Variants in ABI3BP observed in about 807,000 individuals in gnomAD.
ABI3BP encodes ABI family member 3 binding protein.
In ABI3BP, 216 loss-of-function variants were observed where a neutral mutation model predicts 268.6. That is an observed-to-expected ratio of 0.80 (90% CI 0.72 to 0.90). ABI3BP has a LOEUF of 0.90. ABI3BP is among the 40% of genes least tolerant of loss of function. ABI3BP has a pLI of 0.00. For synonymous variants in ABI3BP, 730 were observed against 730.0 expected (o/e 1.00, Z 0.00); for missense variants, 2,090 against 2,182.4 (o/e 0.96, Z 0.84).
chr3:100,848,473 CT>C (rs35928410), intron 18 of ABI3BP, among the ~76,000 whole-genome samples: 96,089 of 148,462 alleles, frequency 0.65, 31,495 homozygotes, highest in African/African-American at 0.78. Context: ...AAAACATATC[CT>C]TTTTTTTTTT....
At chr3:100,766,928 G>GTGGTA (rs1207771345) in intron 62 of ABI3BP, among the ~76,000 whole-genome samples, 1 of 152,204 alleles carries the variant, frequency 6.6e-6, no homozygotes, top group Non-Finnish European at 1.5e-5. Flanking sequence ...ACTGAGCCCA[G>GTGGTA]TGGTATGAGA....
At position 100,974,640 on chromosome 3, in the gene ABI3BP, T is replaced by C. The variant is rs144568920; in HGVS notation, c.79+18666A>G. ...GGCACAGTGGAACATTCTAGGGAGA[T>C]GGAAATGCTTTACTTGATTAACATT... On this transcript the variant is annotated intron_variant, in intron 1 of 67. Coordinates refer to ENST00000471714, the MANE Select transcript of ABI3BP (RefSeq NM_001375547.2). 2.6e-3 allele frequency among the ~76,000 whole-genome samples: 390 copies of C among 152,202 alleles called. 1 individual carries two copies. The highest frequency in any genetic ancestry group is 9.0e-3 in the African/African-American group (372 of 41,540).
intron 3 of ABI3BP, among the ~76,000 whole-genome samples, chr3:100,901,745 C>T (rs1378594506): frequency 2.0e-5 from 3 of 149,192 alleles, no homozygotes; most frequent in Admixed American, 2.0e-4. Flanking sequence ...CAGTCTGGGC[C>T]ACAGAGCAAG....
chr3:100,769,686 A>C lies in ABI3BP; in HGVS notation c.4741+1057T>G, dbSNP rs116221132. The stretch of plus-strand genomic sequence containing the variant: ...TAATGGATGTAGATAATCAGTACTG[A>C]GAGATTAATTGATTTTTAGATATTT... On this transcript the variant is annotated intron_variant, in intron 62 of 67. Coordinates refer to ENST00000471714, the MANE Select transcript of ABI3BP (RefSeq NM_001375547.2). Among the ~76,000 whole-genome samples, 519 of 152,268 alleles carry C rather than the reference A, an allele frequency of 3.4e-3. 5 individuals carry two copies. The highest frequency in any genetic ancestry group is 5.0e-3 in the Non-Finnish European group (339 of 68,018).
intron 56 of ABI3BP, 37 bp downstream of exon 56, chr3:100,789,417 C>T (rs1319721572): frequency 6.4e-7 from 1 of 1,571,904 alleles, no homozygotes; most frequent in Admixed American, 1.8e-5. Flanking sequence ...TCTTCCCCTG[C>T]CTGCTGATTA....
chr3:100,939,884 A>AG (rs35575678), intron 1 of ABI3BP, among the ~76,000 whole-genome samples: 3 of 152,036 alleles, frequency 2.0e-5, no homozygotes, highest in East Asian at 1.9e-4. Flanking sequence ...GACCACACCC[A>AG]GGGGGGCCGT....
intron 2 of ABI3BP, among the ~76,000 whole-genome samples, chr3:100,910,032 A>G (rs1429558387): frequency 6.6e-6 from 1 of 152,224 alleles, no homozygotes; most frequent in Non-Finnish European, 1.5e-5. Flanking sequence ...ATGCCCATCA[A>G]TGATAGAGTG....
At chr3:100,889,099 C>G (rs2153424895) in intron 4 of ABI3BP, among the ~76,000 whole-genome samples, 1 of 152,164 alleles carries the variant, frequency 6.6e-6, no homozygotes, top group Non-Finnish European at 1.5e-5. Flanking sequence ...TGCAACACAT[C>G]ATTGCATAAC....
At chr3:100,835,428 C>A (rs2098558927) in intron 28 of ABI3BP, among the ~76,000 whole-genome samples, 173 bp downstream of exon 28, 1 of 152,076 alleles carries the variant, frequency 6.6e-6, no homozygotes, top group Non-Finnish European at 1.5e-5. Flanking sequence ...GGCTTATAAC[C>A]AAGTAACTTG....
chr3:100,876,123 T>C (rs62277103), intron 7 of ABI3BP, among the ~76,000 whole-genome samples: 38,932 of 152,156 alleles, frequency 0.26, 5,241 homozygotes, highest in Non-Finnish European at 0.29. Context: ...AGTCAGATAC[T>C]GACGTGAAGT....
chr3:100,959,213 G>T (rs1029283913), intron 1 of ABI3BP, among the ~76,000 whole-genome samples: 2 of 152,120 alleles, frequency 1.3e-5, no homozygotes, highest in Non-Finnish European at 1.5e-5. Context: ...AGGCTGGGCC[G>T]GGCGCGGTGG....
chr3:100,912,171 C>A (rs1031777136), intron 2 of ABI3BP: 1 of 340,868 alleles, frequency 2.9e-6, no homozygotes, highest in African/African-American at 2.2e-5. Flanking sequence ...CTGCTCTTAC[C>A]CTTCGTGCTG....
chr3:100,763,061 TAG>T (rs1237573981), intron 63 of ABI3BP, among the ~76,000 whole-genome samples: 1 of 152,190 alleles, frequency 6.6e-6, no homozygotes, highest in African/African-American at 2.4e-5. Context: ...CCACATATAA[TAG>T]ACACACTGAA....
intron 24 of ABI3BP, 68 bp from the exon 25 acceptor site, chr3:100,838,532 A>G: frequency 7.9e-7 from 1 of 1,266,542 alleles, no homozygotes; most frequent in Non-Finnish European, 1.1e-6. Flanking sequence ...AAGGACAATT[A>G]TGCAGAACAA....
chr3:100,864,522 C>T (rs1171991186), intron 11 of ABI3BP: 2 of 329,978 alleles, frequency 6.1e-6, no homozygotes, highest in Non-Finnish European at 1.1e-5. Context: ...TTCATTCTCC[C>T]CCAAGATTTG....
intron 56 of ABI3BP, among the ~76,000 whole-genome samples, 184 bp from the exon 57 acceptor site, chr3:100,787,986 A>G (rs1216218236): frequency 2.6e-5 from 4 of 152,178 alleles, no homozygotes; most frequent in African/African-American, 7.2e-5. Context: ...TTGAAAATAG[A>G]GACCTGAATT....
At chr3:100,789,591 G>T in intron 55 of ABI3BP, 75 bp from the exon 56 acceptor site, 1 of 1,403,454 alleles carries the variant, frequency 7.1e-7, no homozygotes, top group Non-Finnish European at 9.8e-7. Context: ...GCATCCTAGG[G>T]ACCAACAACT....
intron 1 of ABI3BP, among the ~76,000 whole-genome samples, chr3:100,934,183 G>C (rs984142212): frequency 2.6e-5 from 4 of 151,386 alleles, no homozygotes; most frequent in Non-Finnish European, 4.4e-5. Context: ...CTCCTTGTGT[G>C]CTTGTGTTCT....
chr3:100,964,108 G>A (rs190623701), intron 1 of ABI3BP, among the ~76,000 whole-genome samples: 3 of 152,266 alleles, frequency 2.0e-5, no homozygotes, highest in Admixed American at 1.3e-4. Context: ...GCCCCAAGTC[G>A]TTTTGTAGCA....
Sources: gnomAD v4.1 joint callset for allele counts (sites outside exome capture counted in the v4.1 genomes callset) on GRCh38, gnomAD v4.1.1 for gene constraint, MANE v1.5 for transcripts, NCBI Gene and HGNC (gene_info 2026-07-23, HGNC 2026-07-21) for gene names.